The following CRACD variants were observed in gnomAD, a reference collection of about 807,000 sequenced individuals.
The protein encoded by CRACD is capping protein-inhibiting regulator of actin dynamics.
A neutral mutation model predicts 106.8 loss-of-function variants in CRACD; 56 were observed. That is an observed-to-expected ratio of 0.52 (90% CI 0.42 to 0.66). The LOEUF (loss-of-function observed/expected upper bound fraction) is 0.66, where lower values mean the gene tolerates loss of function less well. Among genes scored for constraint, CRACD ranks in the 30% least tolerant of loss-of-function variants. The pLI, the probability that CRACD is intolerant of heterozygous loss-of-function variation, is 0.00. For missense variants in CRACD, 1,730 were observed against 1,623.2 expected (o/e 1.07, Z -1.13); for synonymous variants, 754 against 670.8 (o/e 1.12, Z -1.92).
chr4:56,121,270 C>T (rs1413444615), intron 1 of CRACD, among the ~76,000 whole-genome samples: 1 of 152,098 alleles, frequency 6.6e-6, no homozygotes, highest in East Asian at 1.9e-4. Context: ...ACTTCTCAAG[C>T]AAAAATACTG....
intron 1 of CRACD, among the ~76,000 whole-genome samples, chr4:56,055,666 C>T (rs1197851864): frequency 6.6e-6 from 1 of 152,222 alleles, no homozygotes; most frequent in Non-Finnish European, 1.5e-5. Context: ...GTCACTGTGA[C>T]AGAGGCAGTG....
intron 3 of CRACD, among the ~76,000 whole-genome samples, chr4:56,293,844 C>T (rs567037153): frequency 3.9e-5 from 6 of 152,192 alleles, no homozygotes; most frequent in Non-Finnish European, 8.8e-5. Context: ...TGAGATTTGT[C>T]GGGGACACAG....
intron 2 of CRACD, among the ~76,000 whole-genome samples, chr4:56,268,045 C>A (rs1292319062): frequency 6.6e-6 from 1 of 152,130 alleles, no homozygotes; most frequent in Non-Finnish European, 1.5e-5. Context: ...AACAATGTGA[C>A]CAGTGCAGCA....
At chr4:56,193,480 A>T (rs1434952738) in intron 2 of CRACD, among the ~76,000 whole-genome samples, 2 of 152,220 alleles carry the variant, frequency 1.3e-5, no homozygotes, top group Admixed American at 6.5e-5. Flanking sequence ...AAAGTATGGT[A>T]TACTGTAGAC....
At chr4:56,077,988 G>A (rs528712598) in intron 1 of CRACD, among the ~76,000 whole-genome samples, 1 of 152,092 alleles carries the variant, frequency 6.6e-6, no homozygotes, top group African/African-American at 2.4e-5. Context: ...GTACATAAAG[G>A]CACCAAATTA....
chr4:56,276,994 G>T (rs1435819506), intron 3 of CRACD, among the ~76,000 whole-genome samples: 1 of 152,200 alleles, frequency 6.6e-6, no homozygotes, highest in Non-Finnish European at 1.5e-5. Flanking sequence ...CAGGAATGAG[G>T]GGGCCTTGAG....
At chr4:56,145,358 A>G (rs1286327107) in intron 1 of CRACD, among the ~76,000 whole-genome samples, 1 of 152,196 alleles carries the variant, frequency 6.6e-6, no homozygotes, top group African/African-American at 2.4e-5. Flanking sequence ...CACAATTTAA[A>G]ACAGTTATAT....
chr4:56,136,380 A>C (rs1249288687), intron 1 of CRACD, among the ~76,000 whole-genome samples: 1 of 152,224 alleles, frequency 6.6e-6, no homozygotes, highest in Non-Finnish European at 1.5e-5. Context: ...TCTCACTAGC[A>C]GTATATGGAG....
intron 1 of CRACD, among the ~76,000 whole-genome samples, chr4:56,125,040 T>C (rs1212873014): frequency 6.6e-6 from 1 of 152,234 alleles, no homozygotes; most frequent in Non-Finnish European, 1.5e-5. Context: ...CAGAATATCA[T>C]TTAATTAGAA....
At chr4:56,185,101 C>T (rs1247303398) in intron 2 of CRACD, among the ~76,000 whole-genome samples, 2 of 152,126 alleles carry the variant, frequency 1.3e-5, no homozygotes, top group East Asian at 3.9e-4. Context: ...CGACCACAGG[C>T]GCCCACCACC....
chr4:56,277,738 T>C lies in CRACD; in HGVS notation c.-17+5246T>C, dbSNP rs182179050. Reference sequence around the variant, plus strand: ...AAACTGTACTTGCAGATGCCATGATTGTATATATAGAAAGTCCTAAGGAAT... The same window carrying C: ...AAACTGTACTTGCAGATGCCATGATCGTATATATAGAAAGTCCTAAGGAAT... On this transcript the variant is annotated intron_variant, in intron 3 of 10. Coordinates refer to ENST00000682029, the MANE Select transcript of CRACD (RefSeq NM_001393381.1). 2.0e-3 allele frequency among the ~76,000 whole-genome samples: 308 copies of C among 152,296 alleles called. 1 individual carries two copies. Among genetic ancestry groups the C allele is most frequent in the Non-Finnish European group, 7.6e-4 (52 of 68,006 alleles).
intron 4 of CRACD, among the ~76,000 whole-genome samples, chr4:56,301,863 AT>A (rs897719621): frequency 3.3e-5 from 5 of 152,088 alleles, no homozygotes; most frequent in South Asian, 2.1e-4. Context: ...AAAAATCACC[AT>A]TTTTTTTCTA....
intron 10 of CRACD, among the ~76,000 whole-genome samples, chr4:56,326,596 C>T (rs1039134300): frequency 2.0e-5 from 3 of 152,070 alleles, no homozygotes; most frequent in African/African-American, 7.2e-5. Flanking sequence ...AGACAAGCAC[C>T]CTCTCACATT....
chr4:56,183,920 C>T (rs1736968750), intron 2 of CRACD, among the ~76,000 whole-genome samples: 1 of 152,080 alleles, frequency 6.6e-6, no homozygotes, highest in African/African-American at 2.4e-5. Flanking sequence ...CTTTTTTTAA[C>T]CTCTGTTCTA....
At chr4:56,092,912 CTT>C (rs1041013838) in intron 1 of CRACD, among the ~76,000 whole-genome samples, 4 of 152,158 alleles carry the variant, frequency 2.6e-5, no homozygotes, top group African/African-American at 9.7e-5. Flanking sequence ...CGCTCGGCCT[CTT>C]TTTAACTTTT....
intron 2 of CRACD, among the ~76,000 whole-genome samples, chr4:56,210,289 G>A (rs928639606): frequency 2.6e-5 from 4 of 152,152 alleles, no homozygotes; most frequent in African/African-American, 9.7e-5. Flanking sequence ...AGGTAAACTC[G>A]TGACTTGGGG....
At chr4:56,100,088 A>G (rs900084150) in intron 1 of CRACD, among the ~76,000 whole-genome samples, 26 of 152,186 alleles carry the variant, frequency 1.7e-4, no homozygotes, top group Non-Finnish European at 3.5e-4. Flanking sequence ...TGAAACTACA[A>G]AAAAATTAGC....
At chr4:56,306,485 C>T (rs756891728) in intron 4 of CRACD, among the ~76,000 whole-genome samples, 39 of 152,156 alleles carry the variant, frequency 2.6e-4, no homozygotes, top group Non-Finnish European at 4.7e-4. Flanking sequence ...TGCACTCCAG[C>T]CTGGGCAACA....
intron 1 of CRACD, among the ~76,000 whole-genome samples, chr4:56,153,913 T>C (rs1735675616): frequency 6.6e-6 from 1 of 152,246 alleles, no homozygotes; most frequent in Admixed American, 6.5e-5. Context: ...CAAGTTACAT[T>C]TATCTCAGCC....
Sources: allele counts gnomAD v4.1 joint callset (sites outside exome capture counted in the v4.1 genomes callset), GRCh38; gene constraint gnomAD v4.1.1; transcripts MANE v1.5; gene names NCBI Gene and HGNC (gene_info 2026-07-23, HGNC 2026-07-21).